PCDHA11: variants seen among roughly 807,000 people sequenced by gnomAD.
PCDHA11 encodes the protein protocadherin alpha 11, also known as protocadherin alpha-11.
In PCDHA11, 61 loss-of-function variants were observed where a neutral mutation model predicts 70.3. The ratio of observed to expected loss-of-function variants is 0.87; its 90% confidence interval spans 0.71 to 1.07. PCDHA11 has a LOEUF of 1.07. Among genes scored for constraint, PCDHA11 ranks in the 50% least tolerant of loss-of-function variants. PCDHA11 has a pLI of 0.00. For synonymous variants in PCDHA11, 633 were observed against 555.1 expected, an observed-to-expected ratio of 1.14 and a Z score of -1.97; for missense variants, 1,324 against 1,237.5, an observed-to-expected ratio of 1.07 and a Z score of -1.05.
At chr5:140,967,803 C>T (rs1042188546) in intron 1 of PCDHA11, 3 of 1,614,066 alleles carry the variant, frequency 1.9e-6, no homozygotes, top group Admixed American at 3.3e-5. Flanking sequence ...GTGCCCATGG[C>T]AGGTCACTGC....
At chr5:140,875,667 G>T in intron 1 of PCDHA11, 1 of 1,613,820 alleles carries the variant, frequency 6.2e-7, no homozygotes, top group Non-Finnish European at 8.5e-7. Flanking sequence ...GCCTGTTCCG[G>T]GTGGCGTCCA....
At position 140,933,888 on chromosome 5, in the gene PCDHA11, T is replaced by C. The variant is rs148048721; in HGVS notation, c.2392-45061T>C. On this transcript the variant is annotated intron_variant, in intron 1 of 3. Transcript: ENST00000398640. ...ATATATGTTAGTTTTATCTGTACTTTTGAATATTTTGGCATAAAGTTGTTT... is the reference window on the plus strand; with the variant it reads ...ATATATGTTAGTTTTATCTGTACTTCTGAATATTTTGGCATAAAGTTGTTT... Among the ~76,000 whole-genome samples the C allele has an allele frequency of 7.7e-3, 1,170 of 152,222 alleles. 4 individuals are homozygous for C. Among genetic ancestry groups the C allele is most frequent in the Admixed American group, 0.013 (200 of 15,288 alleles).
At chr5:140,912,882 T>A (rs2153523481) in intron 1 of PCDHA11, among the ~76,000 whole-genome samples, 1 of 152,362 alleles carries the variant, frequency 6.6e-6, no homozygotes, top group South Asian at 2.1e-4. Context: ...TTGGTCTTCA[T>A]TCTGTTGATA....
chr5:140,870,493 A>T lies in PCDHA11; in HGVS notation c.1390A>T (p.Lys464Ter), dbSNP rs782514435. Residue 464 changes from lysine (K) to a stop codon, truncating the protein, a stop_gained, in exon 1 of 4, where the codon AAG becomes TAG. Coordinates refer to ENST00000398640, the MANE Select transcript of PCDHA11 (RefSeq NM_018902.5). LOFTEE classifies it high-confidence loss of function. Reference protein sequence around the residue: ...FAQPEYTVFVKENNPPGCHIF... With the variant: ...FAQPEYTVFV ...ACAGCCCGAGTACACCGTGTTCGTG[A>T]AGGAGAACAACCCACCAGGCTGCCA... 1.2e-6 allele frequency: 2 copies of T among 1,614,214 alleles called. No individual in the cohort carries two copies. The highest frequency in any genetic ancestry group is 2.2e-5 in the South Asian group (2 of 91,086).
chr5:140,961,135 A>T (rs1554225235), intron 1 of PCDHA11, among the ~76,000 whole-genome samples: 2 of 152,186 alleles, frequency 1.3e-5, no homozygotes, highest in African/African-American at 4.8e-5. Flanking sequence ...TTGGCACTTA[A>T]GAGTTGGCAT....
chr5:140,882,174 CG>C, intron 1 of PCDHA11: 1 of 1,514,752 alleles, frequency 6.6e-7, no homozygotes, highest in South Asian at 1.4e-5. Flanking sequence ...CGAATCCTTC[CG>C]CACTAGGAAG....
At chr5:140,877,082 C>A in intron 1 of PCDHA11, 1 of 1,613,120 alleles carries the variant, frequency 6.2e-7, no homozygotes, top group African/African-American at 1.3e-5. Flanking sequence ...CAGGTGAGCG[C>A]GCGCGACGCC....
At chr5:140,922,289 G>C (rs1554200767) in intron 1 of PCDHA11, among the ~76,000 whole-genome samples, 1 of 152,222 alleles carries the variant, frequency 6.6e-6, no homozygotes, top group Non-Finnish European at 1.5e-5. Flanking sequence ...ATATGAAAAT[G>C]CTAGGAGAGG....
intron 1 of PCDHA11, chr5:140,876,994 G>C (rs375771604): frequency 3.7e-6 from 6 of 1,612,620 alleles, no homozygotes; most frequent in South Asian, 1.1e-5. Context: ...GTCGAGCTAC[G>C]TGTCGGTGCA....
chr5:140,993,528 A>T lies in PCDHA11; in HGVS notation c.2539+10965A>T, dbSNP rs78672098. On this transcript the variant is annotated intron_variant, in intron 3 of 3. Transcript: ENST00000398640. ...CACACACGGGGAGAGAGAGACAGAG[A>T]GAGAGAGAGATAGAGAAGTGAAGTA... Among the ~76,000 whole-genome samples the T allele has an allele frequency of 6.6e-5, 10 of 152,092 alleles. No individual in the cohort carries two copies. In the East Asian group the frequency reaches 1.2e-3, roughly 18 times the overall value.
chr5:140,869,029 A>AT lies in PCDHA11; in HGVS notation c.-70dup, dbSNP rs1364344296. On this transcript the variant is annotated 5_prime_UTR_variant, in exon 1 of 4. It removes the in-frame stop codon of an upstream open reading frame in the 5' UTR. Transcript: ENST00000398640. ...TGAAACTTCTTAAGAATTCAACGAG[A>AT]TTTTTAACCTGAAACTGAAGAATCT... 4 of 1,526,350 alleles carry AT rather than the reference A, an allele frequency of 2.6e-6. No homozygotes were observed. Among genetic ancestry groups the AT allele is most frequent in the Non-Finnish European group, 3.5e-6 (4 of 1,141,426 alleles). 94.6% of individuals were successfully genotyped at this position (1,526,350 alleles called of 1,614,324 possible).
At chr5:140,892,896 C>T (rs1489868294) in intron 1 of PCDHA11, among the ~76,000 whole-genome samples, 1 of 152,112 alleles carries the variant, frequency 6.6e-6, no homozygotes, top group Non-Finnish European at 1.5e-5. Flanking sequence ...CCAACCTTTC[C>T]CCATCCTCCT....
chr5:140,877,146 GA>G (rs781877505), intron 1 of PCDHA11: 8 of 1,613,700 alleles, frequency 5.0e-6, no homozygotes, highest in Admixed American at 3.3e-5. Context: ...TGCTGGACGA[GA>G]ACGACAACGC....
chr5:140,869,471 T>A lies in PCDHA11; in HGVS notation c.368T>A (p.Val123Glu). 1 of 1,613,696 alleles carries A rather than the reference T, an allele frequency of 6.2e-7. No homozygotes were observed. Among genetic ancestry groups the A allele is most frequent in the East Asian group, 2.2e-5 (1 of 44,856 alleles). ...CAGGTTTTCCATGTGAACGTGGAGG[T>A]GAAGGACATTAACGACAACCCGCCG... ...PLQVFHVNVE[V>E]KDINDNPPVF... is the part of the protein sequence containing the mutation. The change falls in exon 1 of 4, where the codon GTG (valine) becomes GAG (glutamate). Residue 123 changes from valine to glutamate, a missense_variant. By Grantham distance (121) the Val-to-Glu change is moderately radical (BLOSUM62 -2). Transcript: ENST00000398640.
chr5:140,908,754 A>G (rs1403008536), intron 1 of PCDHA11, among the ~76,000 whole-genome samples: 1 of 152,184 alleles, frequency 6.6e-6, no homozygotes, highest in African/African-American at 2.4e-5. Context: ...ACTTGCACAC[A>G]GCCTGGACGT....
intron 1 of PCDHA11, among the ~76,000 whole-genome samples, chr5:140,925,108 G>GGAAGGAAGGAA (rs1554202548): frequency 1.6e-5 from 2 of 124,702 alleles, no homozygotes; most frequent in African/African-American, 3.3e-5. Flanking sequence ...GAAGGAAGGA[G>GGAAGGAAGGAA]GGAAGGAAGG....
At chr5:140,955,989 A>C (rs2095245782) in intron 1 of PCDHA11, among the ~76,000 whole-genome samples, 1 of 152,172 alleles carries the variant, frequency 6.6e-6, no homozygotes, top group Non-Finnish European at 1.5e-5. Flanking sequence ...ATTTTTGCAC[A>C]TTGATTTTGT....
In PCDHA11 at chr5:140,871,228, CTCCTGG is replaced by C; in HGVS notation, c.2127_2132del (p.Val711_Leu712del). 6.2e-7 allele frequency: 1 copy of C among 1,613,938 alleles called. No individual in the cohort carries two copies. The highest frequency in any genetic ancestry group is 8.5e-7 in the Non-Finnish European group (1 of 1,179,952). ...CATCGCCATCTGCGTGGTGTCCAGCCTCCTGGTACTCACGCTGCTGCTGTATACGGC... is the reference window on the plus strand; with the variant it reads ...CATCGCCATCTGCGTGGTGTCCAGCCTACTCACGCTGCTGCTGTATACGGC... On this transcript the variant is annotated inframe_deletion, in exon 1 of 4. Transcript: ENST00000398640.
At chr5:140,948,861 A>G (rs1298940496) in intron 1 of PCDHA11, among the ~76,000 whole-genome samples, 1 of 151,528 alleles carries the variant, frequency 6.6e-6, no homozygotes, top group African/African-American at 2.4e-5. Flanking sequence ...TTCTTATATT[A>G]CTTCGGGTTT....
Sources: allele counts gnomAD v4.1 joint callset (sites outside exome capture counted in the v4.1 genomes callset), GRCh38; gene constraint gnomAD v4.1.1; transcripts MANE v1.5; gene names NCBI Gene and HGNC (gene_info 2026-07-23, HGNC 2026-07-21).